Variants in MLLT3 observed in about 807,000 individuals in gnomAD.
The protein encoded by MLLT3 is protein AF-9.
A neutral mutation model predicts 53.2 loss-of-function variants in MLLT3; 4 were observed. The ratio of observed to expected loss-of-function variants is 0.08; its 90% CI spans 0.04 to 0.17. The LOEUF is 0.17. MLLT3 is among the 10% of genes least tolerant of loss of function. The pLI is 1.00. For missense variants in MLLT3, 569 were observed against 684.0 expected (o/e 0.83, Z 1.87); for synonymous variants, 283 against 230.6 (o/e 1.23, Z -2.06).
At chr9:20,347,486 C>T (rs1472005333) in intron 10 of MLLT3, among the ~76,000 whole-genome samples, 2 of 152,120 alleles carry the variant, frequency 1.3e-5, no homozygotes, top group African/African-American at 2.4e-5. Flanking sequence ...ACAGAGATGA[C>T]GGTTACTATT....
chr9:20,529,612 T>C (rs1433756210), intron 2 of MLLT3, among the ~76,000 whole-genome samples: 1 of 152,200 alleles, frequency 6.6e-6, no homozygotes, highest in African/African-American at 2.4e-5. Context: ...GAGATCATTT[T>C]AGAATTATAC....
intron 2 of MLLT3, among the ~76,000 whole-genome samples, chr9:20,466,706 A>C (rs985314387): frequency 6.6e-6 from 1 of 152,238 alleles, no homozygotes; most frequent in Non-Finnish European, 1.5e-5. Context: ...AGTATCTCTC[A>C]TGGTCTCTGA....
At chr9:20,346,872 A>T (rs1820884186) in intron 10 of MLLT3, among the ~76,000 whole-genome samples, 1 of 152,116 alleles carries the variant, frequency 6.6e-6, no homozygotes, top group African/African-American at 2.4e-5. Context: ...TTAGGGGGAG[A>T]TAGCATTTCA....
At chr9:20,574,020 C>T (rs1434507414) in intron 2 of MLLT3, among the ~76,000 whole-genome samples, 7 of 152,164 alleles carry the variant, frequency 4.6e-5, no homozygotes, top group Non-Finnish European at 5.9e-5. Flanking sequence ...TAGTAAATCA[C>T]TTCATATCAA....
intron 3 of MLLT3, among the ~76,000 whole-genome samples, chr9:20,452,408 G>A (rs1823862131): frequency 6.6e-6 from 1 of 152,166 alleles, no homozygotes; most frequent in South Asian, 2.1e-4. Flanking sequence ...AGAAAGACGT[G>A]TTTGCTTCCC....
rs1820962791 is a variant in MLLT3 at position 20,620,303 on chromosome 9, T to C, written c.193+351A>G. Among the ~76,000 whole-genome samples the C allele has an allele frequency of 6.7e-6, 1 of 149,340 alleles. No homozygotes were observed. Among genetic ancestry groups the C allele is most frequent in the South Asian group, 2.1e-4 (1 of 4,772 alleles). On this transcript the variant is annotated intron_variant, in intron 2 of 10. Transcript: ENST00000380338. The surrounding 1 kb of genome is among the most constrained non-coding windows in gnomAD (Gnocchi z 6.1). ...CACACACACACACACACGCGCAAAG[T>C]GTTTATTCCCTCCAGCCCGATTCCC...
intron 2 of MLLT3, among the ~76,000 whole-genome samples, chr9:20,474,699 A>C (rs1208547453): frequency 6.6e-6 from 1 of 152,078 alleles, no homozygotes; most frequent in Admixed American, 6.6e-5. Flanking sequence ...AAAAAAGCAG[A>C]CCAAAGGGCA....
At chr9:20,592,978 T>C (rs531020320) in intron 2 of MLLT3, among the ~76,000 whole-genome samples, 2 of 152,314 alleles carry the variant, frequency 1.3e-5, no homozygotes, top group Admixed American at 1.3e-4. Context: ...GTGGAGTTTA[T>C]ATAGTGACAT....
chr9:20,532,036 C>A (rs1818351812), intron 2 of MLLT3, among the ~76,000 whole-genome samples: 1 of 152,018 alleles, frequency 6.6e-6, no homozygotes, highest in Non-Finnish European at 1.5e-5. Context: ...ACAAAAATGA[C>A]CAAATTAAAA....
rs76740567 is a variant in MLLT3, at chr9:20,414,546, A to G, written c.421-121T>C. 547 of 1,439,296 alleles carry G rather than the reference A, an allele frequency of 3.8e-4. No individual in the cohort carries two copies. In the Middle Eastern group the frequency reaches 4.0e-3, roughly 11 times the overall value. 89.2% of individuals were successfully genotyped at this position (1,439,296 alleles called of 1,614,324 possible). On this transcript the variant is annotated intron_variant, in intron 4 of 10. Coordinates refer to ENST00000380338, the MANE Select transcript of MLLT3 (RefSeq NM_004529.4). ...TCAAGCTATCATTAAAATACCAAAA[A>G]TATTTTAATATAAACCAAAAACCAC...
chr9:20,466,412 G>A (rs1290853855), intron 2 of MLLT3, among the ~76,000 whole-genome samples: 1 of 152,154 alleles, frequency 6.6e-6, no homozygotes, highest in Non-Finnish European at 1.5e-5. Context: ...TGAAACCACT[G>A]TTCAAACGCA....
At chr9:20,389,904 T>C (rs1253648692) in intron 5 of MLLT3, among the ~76,000 whole-genome samples, 2 of 152,238 alleles carry the variant, frequency 1.3e-5, no homozygotes, top group African/African-American at 4.8e-5. Context: ...GCTCATTAAA[T>C]TTTTTCTTTT....
chr9:20,588,425 C>A (rs984510105), intron 2 of MLLT3, among the ~76,000 whole-genome samples: 5 of 151,866 alleles, frequency 3.3e-5, no homozygotes, highest in Admixed American at 3.3e-4. Context: ...CTGTAAATTA[C>A]CTTGGGCAGT....
intron 5 of MLLT3, among the ~76,000 whole-genome samples, chr9:20,395,270 T>C (rs1418716469): frequency 6.6e-6 from 1 of 152,172 alleles, no homozygotes; most frequent in Non-Finnish European, 1.5e-5. Flanking sequence ...GAAAGCTCCA[T>C]GTGGACTTCT....
intron 2 of MLLT3, among the ~76,000 whole-genome samples, chr9:20,569,588 A>G (rs1013591798): frequency 1.7e-4 from 26 of 152,186 alleles, no homozygotes; most frequent in African/African-American, 6.0e-4. Flanking sequence ...TGATATTTCA[A>G]AAAGTACACA....
At chr9:20,615,172 C>T (rs1280252364) in intron 2 of MLLT3, among the ~76,000 whole-genome samples, 1 of 151,570 alleles carries the variant, frequency 6.6e-6, no homozygotes, top group East Asian at 1.9e-4. Context: ...AGTGAAACCC[C>T]ATCTCTACCA....
At chr9:20,518,955 A>T (rs1817985624) in intron 2 of MLLT3, among the ~76,000 whole-genome samples, 1 of 152,148 alleles carries the variant, frequency 6.6e-6, no homozygotes, top group South Asian at 2.1e-4. Flanking sequence ...ACCCTGCAAT[A>T]CTCTTTAAAT....
chr9:20,387,810 G>C (rs757488943), intron 5 of MLLT3, among the ~76,000 whole-genome samples: 1 of 152,188 alleles, frequency 6.6e-6, no homozygotes, highest in African/African-American at 2.4e-5. Flanking sequence ...AGCCACCACA[G>C]GAAGGCTATC....
chr9:20,494,506 C>A (rs186512020), intron 2 of MLLT3, among the ~76,000 whole-genome samples: 1 of 152,068 alleles, frequency 6.6e-6, no homozygotes, highest in Admixed American at 6.5e-5. Flanking sequence ...TTTTTCCTAA[C>A]CTCAAAGTCA....
Sources: gnomAD v4.1 joint callset for allele counts (sites outside exome capture counted in the v4.1 genomes callset) on GRCh38, gnomAD v4.1.1 for gene constraint, Gnocchi (gnomAD v3.1) non-coding constraint, MANE v1.5 for transcripts, NCBI Gene and HGNC (gene_info 2026-07-23, HGNC 2026-07-21) for gene names.